Variants in GOLGB1 observed in about 807,000 individuals in gnomAD.
The protein encoded by GOLGB1 is golgin subfamily B member 1.
GOLGB1 carries 174 observed loss-of-function variants against 336.9 expected under a neutral mutation model. That is an observed-to-expected ratio of 0.52 (90% CI 0.46 to 0.59). GOLGB1 has a LOEUF of 0.59. Among genes scored for constraint, GOLGB1 ranks in the 20% least tolerant of loss-of-function variants. The pLI, the probability that GOLGB1 is intolerant of heterozygous loss-of-function variation, is 0.00. For missense variants in GOLGB1, 3,331 were observed against 3,645.3 expected, an observed-to-expected ratio of 0.91 and a Z score of 2.22; for synonymous variants, 1,208 against 1,289.2, an observed-to-expected ratio of 0.94 and a Z score of 1.35.
chr3:121,697,078 T>C lies in GOLGB1; in HGVS notation c.3445A>G (p.Thr1149Ala), dbSNP rs1248529237. 2 of 1,614,076 alleles carry C rather than the reference T, an allele frequency of 1.2e-6. No individual in the cohort carries two copies. The highest frequency in any genetic ancestry group is 1.7e-5 in the Admixed American group (1 of 60,026). The change falls in exon 13 of 22, where the codon ACA becomes GCA. Residue 1149 changes from threonine (T) to alanine (A), a missense_variant. Physicochemically the swap from Thr to Ala is moderately conservative, Grantham distance 58. Transcript: ENST00000614479. ...GTACAAGGTGGACTTATCACCACTG[T>C]TTCCTTTACAAGTGCTACGGAGTCC... ...DGDSVALVKE[T>A]VVISPPCTGS...
At chr3:121,680,160 A>C (rs1940906874) in intron 15 of GOLGB1, among the ~76,000 whole-genome samples, 1 of 152,168 alleles carries the variant, frequency 6.6e-6, no homozygotes, top group Non-Finnish European at 1.5e-5. Flanking sequence ...GTATCAACGA[A>C]AGTTGAATGG....
intron 19 of GOLGB1, among the ~76,000 whole-genome samples, chr3:121,667,857 G>T (rs1938856699): frequency 6.6e-6 from 1 of 152,114 alleles, no homozygotes. Context: ...TGTGTGTGTT[G>T]GTGTTGCTCT....
In GOLGB1 at chr3:121,697,050, C is replaced by T; in HGVS notation, c.3473G>A (p.Gly1158Asp). ...ETVVISPPCTGSSEHWKPELE... is the reference protein window; with the variant it reads ...ETVVISPPCTDSSEHWKPELE... ...TTCTGGTTTCCAGTGTTCACTACTA[C>T]CTGTACAAGGTGGACTTATCACCAC... The change falls in exon 13 of 22, where the codon GGT (glycine) becomes GAT (aspartate). Residue 1158 changes from glycine (G) to aspartate (D), a missense_variant. Coordinates refer to ENST00000614479, the MANE Select transcript of GOLGB1 (RefSeq NM_001366282.2). The T allele has an allele frequency of 6.2e-7, 1 of 1,614,012 alleles. No individual in the cohort carries two copies. Among genetic ancestry groups the T allele is most frequent in the Non-Finnish European group, 8.5e-7 (1 of 1,179,922 alleles).
intron 15 of GOLGB1, among the ~76,000 whole-genome samples, chr3:121,679,986 T>G (rs1004312839): frequency 2.6e-5 from 4 of 152,144 alleles, no homozygotes; most frequent in African/African-American, 4.8e-5. Flanking sequence ...CCATTCCCCA[T>G]AGTGTCAGTG....
intron 12 of GOLGB1, among the ~76,000 whole-genome samples, chr3:121,699,596 TG>T (rs1472097882): frequency 4.6e-5 from 7 of 152,162 alleles, no homozygotes; most frequent in African/African-American, 1.7e-4. Flanking sequence ...TAGTAGCTAC[TG>T]TATTTGTGTT....
intron 21 of GOLGB1, 83 bp downstream of exon 21, chr3:121,664,843 T>G: frequency 4.6e-6 from 4 of 876,514 alleles, no homozygotes; most frequent in Non-Finnish European, 7.6e-6. Flanking sequence ...ACTTCCACAT[T>G]CCTTCTCCTC....
rs74877716 is a variant in GOLGB1 at position 121,680,919 on chromosome 3, T to C, written c.8873+768A>G. ...GATGTTCAGCCATTATGCAAAGTGGTTTTGCAGTTTCTTAAAAAACAAAAC... is the reference window on the plus strand; with the variant it reads ...GATGTTCAGCCATTATGCAAAGTGGCTTTGCAGTTTCTTAAAAAACAAAAC... On this transcript the variant is annotated intron_variant, in intron 15 of 21. Coordinates refer to ENST00000614479, the MANE Select transcript of GOLGB1 (RefSeq NM_001366282.2). Among the ~76,000 whole-genome samples the C allele has an allele frequency of 8.6e-3, 1,309 of 152,248 alleles. 8 individuals carry two copies. The highest frequency in any genetic ancestry group is 0.015 in the Non-Finnish European group (993 of 68,008).
intron 11 of GOLGB1, among the ~76,000 whole-genome samples, chr3:121,700,518 T>C (rs1943307705): frequency 6.6e-6 from 1 of 152,034 alleles, no homozygotes; most frequent in South Asian, 2.1e-4. Flanking sequence ...ATAACACAGA[T>C]ACACCAAAGG....
At chr3:121,689,898 G>A (rs965909270) in intron 14 of GOLGB1, among the ~76,000 whole-genome samples, 1 of 152,204 alleles carries the variant, frequency 6.6e-6, no homozygotes, top group African/African-American at 2.4e-5. Flanking sequence ...TGAGGCAGGA[G>A]GACTGCTTGA....
intron 2 of GOLGB1, 189 bp from the exon 3 acceptor site, chr3:121,730,206 C>T: frequency 4.3e-6 from 2 of 468,130 alleles, no homozygotes; most frequent in Non-Finnish European, 7.5e-6. Context: ...AAATGTTAAG[C>T]ATTTTACAAA....
At chr3:121,701,872 A>G (rs942706619) in intron 11 of GOLGB1, among the ~76,000 whole-genome samples, 19 of 152,298 alleles carry the variant, frequency 1.2e-4, no homozygotes, top group African/African-American at 4.3e-4. Context: ...TCATTTTAAT[A>G]CAATGTTAAA....
intron 13 of GOLGB1, 105 bp downstream of exon 13, chr3:121,693,636 T>G: frequency 1.2e-6 from 1 of 840,038 alleles, no homozygotes; most frequent in South Asian, 1.7e-5. Flanking sequence ...CCATGGACAT[T>G]TATGCCAAAA....
In GOLGB1 at chr3:121,698,890, C is replaced by T. The variant is rs758234738; in HGVS notation, c.1633G>A (p.Ala545Thr). The change falls in exon 13 of 22, where the codon GCT becomes ACT. Residue 545 changes from alanine (A) to threonine (T), a missense_variant. Transcript: ENST00000614479. ...VDIANKRSSS[A>T]EESGQDVLEN... Reference sequence around the variant, plus strand: ...AGAACATCTTGTCCACTTTCCTCAGCAGAAGAGCTCCTCTTGTTGGCAATA... The same window carrying T: ...AGAACATCTTGTCCACTTTCCTCAGTAGAAGAGCTCCTCTTGTTGGCAATA... 8.8e-6 allele frequency: 14 copies of T among 1,595,892 alleles called. No individual in the cohort carries two copies. The highest frequency in any genetic ancestry group is 2.2e-5 in the East Asian group (1 of 44,768).
rs747316913 is a variant in GOLGB1 at position 121,695,682 on chromosome 3, T to C, written c.4841A>G (p.Lys1614Arg). ...AATTTCATACTCTTTTTGTAGCTCCTTGTGTTTCTCTTGCCACTCAGTACT... is the reference window on the plus strand; with the variant it reads ...AATTTCATACTCTTTTTGTAGCTCCCTGTGTTTCTCTTGCCACTCAGTACT... ...AESTEWQEKH[K>R]ELQKEYEILL... The change falls in exon 13 of 22, where the codon AAG (lysine) becomes AGG (arginine). Residue 1614 changes from lysine to arginine, a missense_variant. Transcript: ENST00000614479. 12 of 1,612,316 alleles carry C rather than the reference T, an allele frequency of 7.4e-6. No individual in the cohort carries two copies. Among genetic ancestry groups the C allele is most frequent in the Non-Finnish European group, 1.0e-5 (12 of 1,179,994 alleles).
At chr3:121,741,228 G>A (rs1002824199) in intron 1 of GOLGB1, among the ~76,000 whole-genome samples, 1 of 152,022 alleles carries the variant, frequency 6.6e-6, no homozygotes, top group Non-Finnish European at 1.5e-5. Context: ...CAAAACTTGA[G>A]GCAATCCAAA....
chr3:121,667,604 A>C lies in GOLGB1; in HGVS notation c.9426T>G (p.Ser3142=). The change falls in exon 20 of 22, where the codon TCT becomes TCG. Residue 3142 remains serine (S), a synonymous_variant. Transcript: ENST00000614479. ...TGTTGCATAGCTGCTGCTGAGCTTC[A>C]GAAAAGCTTTAGGATGAGAGGAAAA... ...EELREPQQSF[S]EAQQQLCNTR... 6.2e-7 allele frequency: 1 copy of C among 1,613,850 alleles called. No homozygotes were observed.
At chr3:121,722,455 C>A in intron 5 of GOLGB1, 77 bp from the exon 6 acceptor site, 2 of 771,092 alleles carry the variant, frequency 2.6e-6, no homozygotes, top group East Asian at 2.5e-5. Flanking sequence ...TTTGACCTCC[C>A]TTTCTTGCTT....
In GOLGB1 at chr3:121,717,153, CAA is replaced by C. The variant is rs1303265296; in HGVS notation, c.886-16_886-15del. 1.3e-6 allele frequency: 2 copies of C among 1,580,646 alleles called. No homozygotes were observed. Among genetic ancestry groups the C allele is most frequent in the South Asian group, 1.2e-5 (1 of 85,866 alleles). On this transcript the variant is annotated splice_polypyrimidine_tract_variant and intron_variant, in intron 8 of 21. Coordinates refer to ENST00000614479, the MANE Select transcript of GOLGB1 (RefSeq NM_001366282.2). ...CTGAGAGAGAATCTAAGAAAAAAGACAAAGTCTCATGAGCCATAAATACATTA... is the reference window on the plus strand; with the variant it reads ...CTGAGAGAGAATCTAAGAAAAAAGACAGTCTCATGAGCCATAAATACATTA...
chr3:121,733,983 C>T (rs1183466549), intron 1 of GOLGB1, among the ~76,000 whole-genome samples: 1 of 152,070 alleles, frequency 6.6e-6, no homozygotes, highest in Non-Finnish European at 1.5e-5. Context: ...CTGAATTTGG[C>T]AATGAGCTTT....
Sources: allele counts gnomAD v4.1 joint callset (sites outside exome capture counted in the v4.1 genomes callset), GRCh38; gene constraint gnomAD v4.1.1; transcripts MANE v1.5; gene names NCBI Gene and HGNC (gene_info 2026-07-23, HGNC 2026-07-21).